Variants in TBC1D2 observed in about 807,000 individuals in gnomAD.
The protein encoded by TBC1D2 is TBC1 domain family member 2A.
A neutral mutation model predicts 91.1 loss-of-function variants in TBC1D2; 58 were observed. That is an observed-to-expected ratio of 0.64 (90% CI 0.52 to 0.79). The LOEUF is 0.79. Ranked by LOEUF, TBC1D2 falls within the 30% of genes least tolerant of loss-of-function variation. TBC1D2 has a pLI of 0.00. For missense variants in TBC1D2, 1,080 were observed against 1,208.3 expected, an observed-to-expected ratio of 0.89 and a Z score of 1.57; for synonymous variants, 482 against 511.5, an observed-to-expected ratio of 0.94 and a Z score of 0.78.
chr9:98,251,036 C>T (rs971143488), intron 2 of TBC1D2, among the ~76,000 whole-genome samples: 1 of 152,128 alleles, frequency 6.6e-6, no homozygotes, highest in African/African-American at 2.4e-5. Flanking sequence ...CCTGTAATCC[C>T]AGCACTTTGG....
At chr9:98,254,168 G>A (rs1378095168) in intron 1 of TBC1D2, among the ~76,000 whole-genome samples, 1 of 152,150 alleles carries the variant, frequency 6.6e-6, no homozygotes, top group African/African-American at 2.4e-5. Context: ...GGTTGGAGGG[G>A]TGGACAGATG....
chr9:98,221,228 C>T lies in TBC1D2; in HGVS notation c.979G>A (p.Glu327Lys), dbSNP rs1207640795. 1 of 1,534,338 alleles carries T rather than the reference C, an allele frequency of 6.5e-7. No individual in the cohort carries two copies. Residue 327 changes from glutamate to lysine, a missense_variant and splice_region_variant, in exon 6 of 13, where the codon GAG becomes AAG. By Grantham distance (56) the Glu-to-Lys change is moderately conservative (BLOSUM62 1). Coordinates refer to ENST00000465784, the MANE Select transcript of TBC1D2 (RefSeq NM_001267571.2). ...MLTKELKSQK[E>K]LVKILHKALE... ...GCCTTGTGCAGGATCTTCACTAGCTCCTGGGCAGGGAGAGGGAAGAATCTT... is the reference window on the plus strand; with the variant it reads ...GCCTTGTGCAGGATCTTCACTAGCTTCTGGGCAGGGAGAGGGAAGAATCTT...
At position 98,255,164 on chromosome 9, in the gene TBC1D2, G is replaced by A. The variant is rs530357694; in HGVS notation, c.369+9C>T. 1 of 1,594,042 alleles carries A rather than the reference G, an allele frequency of 6.3e-7. No individual in the cohort carries two copies. Among genetic ancestry groups the A allele is most frequent in the East Asian group, 2.3e-5 (1 of 44,348 alleles). On this transcript the variant is annotated intron_variant, in intron 1 of 12. Transcript: ENST00000465784. ...CGCTGGAAAGGAGAAAGTCGTTGCA[G>A]GAATTTACCTTCAGGGTAATAACCC...
Position 98,210,704 on chromosome 9 carries a change from C to A in TBC1D2, c.1625G>T (p.Trp542Leu), listed in dbSNP as rs867929348. ...LRQLVQEALQ[W>L]EAGEASSDSI... ...GTCAGATGAGGCCTCCCCAGCTTCC[C>A]ACTGCAGTGCCTCCTGGACAAGCTG... Residue 542 changes from tryptophan to leucine, a missense_variant, in exon 8 of 13, where the codon TGG (tryptophan) becomes TTG (leucine). Coordinates refer to ENST00000465784, the MANE Select transcript of TBC1D2 (RefSeq NM_001267571.2). The A allele has an allele frequency of 6.2e-7, 1 of 1,602,444 alleles. No homozygotes were observed. Among genetic ancestry groups the A allele is most frequent in the East Asian group, 2.3e-5 (1 of 44,178 alleles).
intron 2 of TBC1D2, among the ~76,000 whole-genome samples, chr9:98,250,429 G>A (rs1470783648): frequency 3.9e-5 from 6 of 152,178 alleles, no homozygotes; most frequent in Admixed American, 1.3e-4. Flanking sequence ...AGGCCACTGT[G>A]ACTTTGAGAG....
At chr9:98,202,504 G>A (rs1304400658) in intron 10 of TBC1D2, among the ~76,000 whole-genome samples, 4 of 152,146 alleles carry the variant, frequency 2.6e-5, no homozygotes, top group East Asian at 3.8e-4. Context: ...GTCATCTACC[G>A]AGGCCAAGTG....
intron 7 of TBC1D2, among the ~76,000 whole-genome samples, chr9:98,212,756 G>A (rs541372171): frequency 3.9e-5 from 6 of 152,064 alleles, no homozygotes; most frequent in South Asian, 2.1e-4. Context: ...CACCCGCCTC[G>A]GCCTCCTAAA....
chr9:98,214,774 C>G (rs1029975123), intron 6 of TBC1D2, among the ~76,000 whole-genome samples: 1 of 152,322 alleles, frequency 6.6e-6, no homozygotes, highest in African/African-American at 2.4e-5. Context: ...AGCTCCGATG[C>G]CTGCCCAGGG....
intron 1 of TBC1D2, among the ~76,000 whole-genome samples, chr9:98,254,634 C>G (rs1000724151): frequency 6.6e-6 from 1 of 152,156 alleles, no homozygotes; most frequent in African/African-American, 2.4e-5. Context: ...TTAAGCATGC[C>G]TAGATGAACA....
Position 98,199,517 on chromosome 9 carries a change from A to G in TBC1D2, c.2651T>C (p.Val884Ala). The stretch of plus-strand genomic sequence containing the variant: ...CTCAGCCTCCAGCCGCTCCCGGTGG[A>G]CCATGCGCAGCTGCCGCAGCTGTTT... ...RMKQLRQLRM[V>A]HRERLEAELR... is the part of the protein sequence containing the mutation. The change falls in exon 13 of 13, where the codon GTC becomes GCC. Residue 884 changes from valine to alanine, a missense_variant. Coordinates refer to ENST00000465784, the MANE Select transcript of TBC1D2 (RefSeq NM_001267571.2). The G allele has an allele frequency of 1.2e-6, 2 of 1,614,114 alleles. No homozygotes were observed. The highest frequency in any genetic ancestry group is 1.7e-6 in the Non-Finnish European group (2 of 1,180,024).
At position 98,206,623 on chromosome 9, in the gene TBC1D2, C is replaced by T. The variant is rs542752506; in HGVS notation, c.2150+2045G>A. Among the ~76,000 whole-genome samples, 8 of 152,172 alleles carry T rather than the reference C, an allele frequency of 5.3e-5. No homozygotes were observed. In the East Asian group the frequency reaches 1.2e-3, roughly 22 times the overall value. On this transcript the variant is annotated intron_variant, in intron 9 of 12. Coordinates refer to ENST00000465784, the MANE Select transcript of TBC1D2 (RefSeq NM_001267571.2). The stretch of plus-strand genomic sequence containing the variant: ...GCCTCAGCACAGCCTCTGACTACTG[C>T]TATTTGGAGAGAGAGCAGGTTGTAG...
At chr9:98,233,276 TG>T in intron 4 of TBC1D2, 139 bp downstream of exon 4, 1 of 1,173,038 alleles carries the variant, frequency 8.5e-7, no homozygotes, top group Non-Finnish European at 1.2e-6. Flanking sequence ...ACGCAGTCTA[TG>T]GTGTTTCAGT....
intron 3 of TBC1D2, among the ~76,000 whole-genome samples, chr9:98,241,003 C>T (rs544683745): frequency 6.6e-6 from 1 of 152,286 alleles, no homozygotes; most frequent in Admixed American, 6.5e-5. Flanking sequence ...GCTAGTTATC[C>T]TCCCTGAGCC....
chr9:98,205,835 T>TAA (rs1828637781), intron 9 of TBC1D2, among the ~76,000 whole-genome samples: 1 of 152,154 alleles, frequency 6.6e-6, no homozygotes, highest in African/African-American at 2.4e-5. Flanking sequence ...ATGCGGGAAT[T>TAA]ACAGGCGTGA....
At position 98,201,554 on chromosome 9, in the gene TBC1D2, G is replaced by A. The variant is rs760745254; in HGVS notation, c.2382C>T (p.Leu794=). 15 of 1,614,038 alleles carry A rather than the reference G, an allele frequency of 9.3e-6. No homozygotes were observed. The highest frequency in any genetic ancestry group is 3.3e-5 in the South Asian group (3 of 91,084). The stretch of plus-strand genomic sequence containing the variant: ...TAATGAGACTGTCCGCAAAGACCAC[G>A]AGGAACCAGTTGAAGGTGACGAGGG... ...DLSLVTFNWF[L]VVFADSLISN... is the part of the protein sequence containing the mutation. Residue 794 remains leucine (L), a synonymous_variant, in exon 11 of 13, where the codon CTC becomes CTT. Coordinates refer to ENST00000465784, the MANE Select transcript of TBC1D2 (RefSeq NM_001267571.2).
At chr9:98,227,314 C>T (rs1829255023) in intron 5 of TBC1D2, among the ~76,000 whole-genome samples, 1 of 152,232 alleles carries the variant, frequency 6.6e-6, no homozygotes, top group African/African-American at 2.4e-5. Flanking sequence ...GTCTTTTGCT[C>T]ATTGTTCTTT....
chr9:98,243,957 G>A (rs373451405), intron 3 of TBC1D2, 37 bp downstream of exon 3: 76 of 1,580,788 alleles, frequency 4.8e-5, no homozygotes, highest in Non-Finnish European at 6.0e-5. Context: ...GGGGCTGCCT[G>A]CAGCTTGGCT....
At position 98,209,036 on chromosome 9, in the gene TBC1D2, G is replaced by A; in HGVS notation, c.1782C>T (p.Gly594=). The change falls in exon 9 of 13, where the codon GGC becomes GGT. Residue 594 remains glycine (G), a synonymous_variant. Coordinates refer to ENST00000465784, the MANE Select transcript of TBC1D2 (RefSeq NM_001267571.2). ...ALESRSHHLL[G]LEAVDRPLRE... is the part of the protein sequence containing the mutation. ...TCAGCGGCCGATCCACAGCCTCGAG[G>A]CCCAGCAGGTGGTGGGATCGTGACT... The A allele has an allele frequency of 1.2e-6, 2 of 1,614,182 alleles. No individual in the cohort carries two copies. Among genetic ancestry groups the A allele is most frequent in the Non-Finnish European group, 8.5e-7 (1 of 1,180,030 alleles).
chr9:98,199,449 G>A lies in TBC1D2; in HGVS notation c.2719C>T (p.Arg907Trp), dbSNP rs201119281. The change falls in exon 13 of 13, where the codon CGG becomes TGG. Residue 907 changes from arginine to tryptophan, a missense_variant. Physicochemically the swap from Arg to Trp is moderately radical, Grantham distance 101. Transcript: ENST00000465784. ...GACACAGCTCTGCGCCGGGATGCCCGCCTCTCCAGGTACTCTGCCTTAAGC... is the reference window on the plus strand; with the variant it reads ...GACACAGCTCTGCGCCGGGATGCCCACCTCTCCAGGTACTCTGCCTTAAGC... Reference protein sequence around the residue: ...EQLKAEYLERRASRRRAVSEG... With the variant: ...EQLKAEYLERWASRRRAVSEG... 1,452 of 1,614,062 alleles carry A rather than the reference G, an allele frequency of 9.0e-4. 9 individuals are homozygous for A. The highest frequency in any genetic ancestry group is 6.6e-3 in the South Asian group (598 of 91,078).
Sources: gnomAD v4.1 joint callset for allele counts (sites outside exome capture counted in the v4.1 genomes callset) on GRCh38, gnomAD v4.1.1 for gene constraint, MANE v1.5 for transcripts, NCBI Gene and HGNC (gene_info 2026-07-23, HGNC 2026-07-21) for gene names.